The following SDK1 variants were observed in gnomAD, a reference collection of about 807,000 sequenced individuals.
SDK1 encodes protein sidekick-1.
In SDK1, 157 loss-of-function variants were observed where a neutral mutation model predicts 245.5. The ratio of observed to expected loss-of-function variants is 0.64; its 90% confidence interval spans 0.56 to 0.73. The LOEUF (loss-of-function observed/expected upper bound fraction) is 0.73. Among genes scored for constraint, SDK1 ranks in the 30% least tolerant of loss-of-function variants. The pLI is 0.00. For synonymous variants in SDK1, 1,647 were observed against 1,278.5 expected (o/e 1.29, Z -6.15); for missense variants, 3,583 against 3,002.3 (o/e 1.19, Z -4.52).
chr7:4,081,355 A>T (rs1781047200), intron 22 of SDK1, among the ~76,000 whole-genome samples: 1 of 151,994 alleles, frequency 6.6e-6, no homozygotes, highest in African/African-American at 2.4e-5. Flanking sequence ...ACAAGGAGTG[A>T]TGTGGGGACC....
intron 1 of SDK1, among the ~76,000 whole-genome samples, chr7:3,313,742 G>A (rs1301687214): frequency 6.6e-6 from 1 of 152,100 alleles, no homozygotes; most frequent in Non-Finnish European, 1.5e-5. Context: ...GAGATCTGTT[G>A]TACAACATGG....
intron 1 of SDK1, among the ~76,000 whole-genome samples, chr7:3,360,726 G>GGGT (rs1223345192): frequency 6.6e-6 from 1 of 152,150 alleles, no homozygotes; most frequent in African/African-American, 2.4e-5. Context: ...CTGGAGCACT[G>GGGT]GGTGAGAAGC....
intron 32 of SDK1, among the ~76,000 whole-genome samples, chr7:4,163,480 C>T (rs1279096980): frequency 6.6e-6 from 1 of 152,192 alleles, no homozygotes; most frequent in East Asian, 1.9e-4. Flanking sequence ...GTGGGGGCTG[C>T]GGGAAATGGA....
At chr7:4,175,665 G>A in intron 33 of SDK1, 110 bp from the exon 34 acceptor site, 1 of 900,250 alleles carries the variant, frequency 1.1e-6, no homozygotes, top group Non-Finnish European at 1.9e-6. Context: ...AGCGTGGGAA[G>A]TGGCTGGCAT....
intron 1 of SDK1, among the ~76,000 whole-genome samples, chr7:3,616,782 A>T (rs1462636179): frequency 2.0e-5 from 3 of 152,214 alleles, no homozygotes; most frequent in Non-Finnish European, 4.4e-5. Context: ...CTATAGTTTA[A>T]TGTGCAACTA....
At position 3,960,737 on chromosome 7, in the gene SDK1, C is replaced by T. The variant is rs551332324; in HGVS notation, c.1234+1723C>T. 1.7e-3 allele frequency among the ~76,000 whole-genome samples: 259 copies of T among 152,268 alleles called. 1 individual carries two copies. Among genetic ancestry groups the T allele is most frequent in the African/African-American group, 5.9e-3 (246 of 41,538 alleles). On this transcript the variant is annotated intron_variant, in intron 8 of 44. Transcript: ENST00000404826. ...CTTCTCTGTTCCAGCTCTACTGATTCGGCATAGGGGAGGGGGAAAAAGTGT... is the reference window on the plus strand; with the variant it reads ...CTTCTCTGTTCCAGCTCTACTGATTTGGCATAGGGGAGGGGGAAAAAGTGT...
At chr7:3,972,426 G>A (rs778607705) in intron 12 of SDK1, among the ~76,000 whole-genome samples, 10 of 152,034 alleles carry the variant, frequency 6.6e-5, no homozygotes, top group Non-Finnish European at 1.2e-4. Flanking sequence ...TTTAAATTCG[G>A]GCCAGGAAAG....
chr7:3,416,208 A>C (rs1583825034), intron 1 of SDK1, among the ~76,000 whole-genome samples: 2 of 152,272 alleles, frequency 1.3e-5, no homozygotes, highest in African/African-American at 4.8e-5. Context: ...CAAATTACAC[A>C]GCTTAGGTAG....
intron 17 of SDK1, among the ~76,000 whole-genome samples, chr7:4,048,474 C>T (rs914484901): frequency 7.9e-5 from 12 of 152,220 alleles, no homozygotes; most frequent in Non-Finnish European, 1.2e-4. Context: ...GTCAGCACCC[C>T]GCTTCCCCCC....
At chr7:3,417,403 T>A (rs1177963825) in intron 1 of SDK1, among the ~76,000 whole-genome samples, 1 of 152,208 alleles carries the variant, frequency 6.6e-6, no homozygotes, top group Non-Finnish European at 1.5e-5. Flanking sequence ...AAACTTTTTT[T>A]CAGCCATGTG....
intron 14 of SDK1, among the ~76,000 whole-genome samples, chr7:4,009,395 GC>G (rs1785758712): frequency 6.6e-6 from 1 of 152,212 alleles, no homozygotes; most frequent in South Asian, 2.1e-4. Flanking sequence ...AAGGGAGACT[GC>G]TTAGCAAACC....
intron 1 of SDK1, among the ~76,000 whole-genome samples, chr7:3,457,511 G>A (rs1410629253): frequency 6.6e-6 from 1 of 151,894 alleles, no homozygotes; most frequent in African/African-American, 2.4e-5. Context: ...ATTAATTATT[G>A]GTCATAGCTG....
chr7:3,532,751 A>G (rs7795323), intron 1 of SDK1, among the ~76,000 whole-genome samples: 37,972 of 151,960 alleles, frequency 0.25, 4,971 homozygotes, highest in East Asian at 0.34. Context: ...ACTCCTCTGC[A>G]CTCTGCATTC....
In SDK1 at chr7:4,120,337, A is replaced by G. The variant is rs1783976322; in HGVS notation, c.3823+6063A>G. 2.0e-5 allele frequency among the ~76,000 whole-genome samples: 3 copies of G among 149,084 alleles called. 1 individual carries two copies. The highest frequency in any genetic ancestry group is 4.5e-5 in the Non-Finnish European group (3 of 66,742). ...ACCAAGATGTATTTGCTACAACTGTAAAATGCCAAAGAGAAAAATCTTAAA... is the reference window on the plus strand; with the variant it reads ...ACCAAGATGTATTTGCTACAACTGTGAAATGCCAAAGAGAAAAATCTTAAA... On this transcript the variant is annotated intron_variant, in intron 25 of 44. Coordinates refer to ENST00000404826, the MANE Select transcript of SDK1 (RefSeq NM_152744.4).
chr7:3,881,073 T>A (rs2128099477), intron 5 of SDK1, among the ~76,000 whole-genome samples: 1 of 152,272 alleles, frequency 6.6e-6, no homozygotes, highest in East Asian at 1.9e-4. Flanking sequence ...ACATTCTTTT[T>A]TTTTTAATCT....
chr7:3,564,192 A>G (rs538919087), intron 1 of SDK1, among the ~76,000 whole-genome samples: 32 of 152,306 alleles, frequency 2.1e-4, no homozygotes, highest in African/African-American at 7.2e-4. Context: ...AGATAGAAAA[A>G]TAAAGGTAAG....
At chr7:3,771,364 A>G (rs1583397153) in intron 4 of SDK1, among the ~76,000 whole-genome samples, 1 of 152,152 alleles carries the variant, frequency 6.6e-6, no homozygotes, top group Admixed American at 6.5e-5. Context: ...GAGGAGAGGA[A>G]AGGACGTGCT....
intron 4 of SDK1, among the ~76,000 whole-genome samples, chr7:3,672,446 A>AG (rs1470987873): frequency 6.6e-6 from 1 of 151,450 alleles, no homozygotes; most frequent in East Asian, 1.9e-4. Context: ...GAGGAAAAAA[A>AG]CAGAGGCATT....
At chr7:3,958,315 A>G (rs944645893) in intron 7 of SDK1, 36 of 276,486 alleles carry the variant, frequency 1.3e-4, no homozygotes, top group African/African-American at 7.7e-4. Context: ...TTCATTGTTT[A>G]ATACAACCAC....
Sources: gnomAD v4.1 joint callset for allele counts (sites outside exome capture counted in the v4.1 genomes callset) on GRCh38, gnomAD v4.1.1 for gene constraint, MANE v1.5 for transcripts, NCBI Gene and HGNC (gene_info 2026-07-23, HGNC 2026-07-21) for gene names.